Variants in EGR2 observed in about 807,000 individuals in gnomAD.
EGR2 encodes the protein early growth response 2.
In EGR2, 2 loss-of-function variants were observed where a neutral mutation model predicts 21.2. The observed-to-expected ratio is 0.09, with a 90% CI of 0.04 to 0.30. The LOEUF is 0.30. Among genes scored for constraint, EGR2 ranks in the 10% least tolerant of loss-of-function variants. The pLI is 1.00. For synonymous variants in EGR2, 282 were observed against 258.2 expected, an observed-to-expected ratio of 1.09 and a Z score of -0.88; for missense variants, 458 against 630.2, an observed-to-expected ratio of 0.73 and a Z score of 2.93.
Position 62,816,116 on chromosome 10 carries a change from G to T in EGR2, c.-87C>A. 13 of 1,611,928 alleles carry T rather than the reference G, an allele frequency of 8.1e-6. 1 individual carries two copies. The South Asian group carries it at 1.2e-4, about 15-fold the overall frequency. ...TTTGGAGAGGGGTTGGACTGAGCCT[G>T]GGATGGTATCTCCTTTTGCCCTCCA... On this transcript the variant is annotated 5_prime_UTR_variant, in exon 1 of 2. Transcript: ENST00000242480.
rs1057521260 is a variant in EGR2, at chr10:62,816,240, A to G, written c.-211T>C. The G allele has an allele frequency of 7.0e-6, 10 of 1,434,504 alleles. No individual in the cohort carries two copies. Among genetic ancestry groups the G allele is most frequent in the Non-Finnish European group, 9.1e-6 (10 of 1,094,926 alleles). The allele number at this position is 1,434,504 out of a possible 1,614,324, so 88.9% of individuals were successfully genotyped here. ...TTTTTAAGAAATAAGAAAAATGTCT[A>G]TTTGCCACTGACTCTCTCCTGTCTG... is the stretch of plus-strand genomic sequence containing the variant. On this transcript the variant is annotated 5_prime_UTR_variant, in exon 1 of 2. Coordinates refer to ENST00000242480, the MANE Select transcript of EGR2 (RefSeq NM_000399.5).
In EGR2 at chr10:62,813,480, G is replaced by C. The variant is rs767778723; in HGVS notation, c.1158C>G (p.Thr386=). ...MRNFSRSDHL[T]THIRTHTGEK... Reference sequence around the variant, plus strand: ...CACCGGTGTGGGTGCGGATATGGGTGGTGAGGTGGTCACTGCGGCTGAAGT... The same window carrying C: ...CACCGGTGTGGGTGCGGATATGGGTCGTGAGGTGGTCACTGCGGCTGAAGT... Residue 386 remains threonine (T), a synonymous_variant, in exon 2 of 2, where the codon ACC becomes ACG. Coordinates refer to ENST00000242480, the MANE Select transcript of EGR2 (RefSeq NM_000399.5). This position sits in a 1 kb window ranked among gnomAD's most constrained non-coding sequence, Gnocchi z 5.7. The C allele has an allele frequency of 6.2e-7, 1 of 1,614,178 alleles. No homozygotes were observed.
At position 62,814,726 on chromosome 10, in the gene EGR2, A is replaced by T. The variant is rs559470206; in HGVS notation, c.170-258T>A. 6.6e-6 allele frequency among the ~76,000 whole-genome samples: 1 copy of T among 152,140 alleles called. No homozygotes were observed. Among genetic ancestry groups the T allele is most frequent in the South Asian group, 2.1e-4 (1 of 4,816 alleles). The stretch of plus-strand genomic sequence containing the variant: ...AATGAGCTTTTCCCAACTCCCCTCC[A>T]CCCCCAGCCATCTGTGGCTCTAGTC... On this transcript the variant is annotated intron_variant, in intron 1 of 1. Transcript: ENST00000242480. This position sits in a 1 kb window ranked among gnomAD's most constrained non-coding sequence, Gnocchi z 4.8.
Position 62,815,239 on chromosome 10 carries a change from CG to C in EGR2, c.169+621del, listed in dbSNP as rs1249235315. Among the ~76,000 whole-genome samples the C allele has an allele frequency of 2.0e-5, 3 of 152,210 alleles. No homozygotes were observed. In the East Asian group the frequency reaches 5.8e-4, roughly 29 times the overall value. On this transcript the variant is annotated intron_variant, in intron 1 of 1. Transcript: ENST00000242480. ...CCCCCGCGGGCCTCCCTCGGCAGTC[CG>C]GGGGCTGCTTCCCGCCGTTGCGCGC...
rs1842161787 is a variant in EGR2, at chr10:62,813,352, C to T, written c.1286G>A (p.Ser429Asn). 1 of 1,601,412 alleles carries T rather than the reference C, an allele frequency of 6.2e-7. No individual in the cohort carries two copies. The highest frequency in any genetic ancestry group is 1.3e-5 in the African/African-American group (1 of 74,906). ...GGCTGGCACCGATGCAGAGGGGGCA[C>T]TGCTTTTCCGCTCTTTCTGTCTCAG... is the stretch of plus-strand genomic sequence containing the variant. ...IHLRQKERKS[S>N]APSASVPAPS... Residue 429 changes from serine to asparagine, a missense_variant, in exon 2 of 2, where the codon AGT becomes AAT. Physicochemically the swap from Ser to Asn is conservative, Grantham distance 46 (BLOSUM62 1). Coordinates refer to ENST00000242480, the MANE Select transcript of EGR2 (RefSeq NM_000399.5). The surrounding 1 kb of genome is among the most constrained non-coding windows in gnomAD (Gnocchi z 5.7).
At chr10:62,815,155 G>A (rs948431872) in intron 1 of EGR2, among the ~76,000 whole-genome samples, 2 of 152,258 alleles carry the variant, frequency 1.3e-5, no homozygotes, top group African/African-American at 4.8e-5. Context: ...CGAGGAAGGC[G>A]CGGGGGCCGC....
At position 62,813,335 on chromosome 10, in the gene EGR2, C is replaced by A; in HGVS notation, c.1303G>T (p.Val435Leu). ...CAGGAGGCTGTAGAGGGGGCTGGCACCGATGCAGAGGGGGCACTGCTTTTC... is the reference window on the plus strand; with the variant it reads ...CAGGAGGCTGTAGAGGGGGCTGGCAACGATGCAGAGGGGGCACTGCTTTTC... ...ERKSSAPSAS[V>L]PAPSTASCSG... Residue 435 changes from valine (V) to leucine (L), a missense_variant, in exon 2 of 2, where the codon GTG (valine) becomes TTG (leucine). Val to Leu is a conservative substitution (Grantham distance 32). Coordinates refer to ENST00000242480, the MANE Select transcript of EGR2 (RefSeq NM_000399.5). This position sits in a 1 kb window ranked among gnomAD's most constrained non-coding sequence, Gnocchi z 5.7. The A allele has an allele frequency of 6.3e-7, 1 of 1,590,644 alleles. No homozygotes were observed.
At position 62,816,106 on chromosome 10, in the gene EGR2, G is replaced by C. The variant is rs1171200529; in HGVS notation, c.-77C>G. On this transcript the variant is annotated 5_prime_UTR_variant, in exon 1 of 2. Transcript: ENST00000242480. ...GAAAAGCCGTTTTGGAGAGGGGTTG[G>C]ACTGAGCCTGGGATGGTATCTCCTT... The C allele has an allele frequency of 1.2e-6, 2 of 1,612,552 alleles. No individual in the cohort carries two copies. Among genetic ancestry groups the C allele is most frequent in the Non-Finnish European group, 1.7e-6 (2 of 1,179,810 alleles).
rs1327712504 is a variant in EGR2, at chr10:62,816,259, C to T, written c.-230G>A. ...ATGTCTATTTGCCACTGACTCTCTCCTGTCTGTGTTCCGGCTGCTGGGAAG... is the reference window on the plus strand; with the variant it reads ...ATGTCTATTTGCCACTGACTCTCTCTTGTCTGTGTTCCGGCTGCTGGGAAG... On this transcript the variant is annotated 5_prime_UTR_variant, in exon 1 of 2. Transcript: ENST00000242480. The T allele has an allele frequency of 4.3e-6, 6 of 1,396,470 alleles. No homozygotes were observed. 86.5% of individuals were successfully genotyped at this position (1,396,470 alleles called of 1,614,324 possible). A position where few individuals can be genotyped will look rare whatever the true frequency, so the allele number is the denominator to read the frequency against.
chr10:62,814,015 T>C lies in EGR2; in HGVS notation c.623A>G (p.Tyr208Cys). ...GTCCGTGGCTGGCTTGGGGGATGGA[T>C]AGGAAGGAGGTGGTGGGTAGGCCAG... ...SSLAYPPPPSYPSPKPATDPG... is the reference protein window; with the variant it reads ...SSLAYPPPPSCPSPKPATDPG... The change falls in exon 2 of 2, where the codon TAT becomes TGT. Residue 208 changes from tyrosine (Y) to cysteine (C), a missense_variant. By Grantham distance (194) the Tyr-to-Cys change is radical. This residue lies in a region of EGR2 where 253 missense variants were observed against 315.5 expected (regional missense o/e 0.80). Transcript: ENST00000242480. This position sits in a 1 kb window ranked among gnomAD's most constrained non-coding sequence, Gnocchi z 4.8. 1 of 1,613,564 alleles carries C rather than the reference T, an allele frequency of 6.2e-7. No homozygotes were observed. Among genetic ancestry groups the C allele is most frequent in the Non-Finnish European group, 8.5e-7 (1 of 1,179,828 alleles).
intron 1 of EGR2, among the ~76,000 whole-genome samples, chr10:62,815,628 C>A (rs992347415): frequency 1.3e-5 from 2 of 152,228 alleles, no homozygotes; most frequent in African/African-American, 4.8e-5. Context: ...CGGGGCTGGG[C>A]GCGCCGGGGC....
Position 62,814,304 on chromosome 10 carries a change from T to C in EGR2, c.334A>G (p.Ile112Val), listed in dbSNP as rs750552347. 2.5e-6 allele frequency: 4 copies of C among 1,614,152 alleles called. No homozygotes were observed. The highest frequency in any genetic ancestry group is 3.4e-6 in the Non-Finnish European group (4 of 1,180,018). The change falls in exon 2 of 2, where the codon ATA (isoleucine) becomes GTA (valine). Residue 112 changes from isoleucine (I) to valine (V), a missense_variant. By Grantham distance (29) the Ile-to-Val change is conservative. Transcript: ENST00000242480. This position sits in a 1 kb window ranked among gnomAD's most constrained non-coding sequence, Gnocchi z 4.8. The part of the protein sequence containing the change: ...YPGASCYPEG[I>V]INIVSAGILQ... ...ATGCCTGCACTCACAATATTGATTA[T>C]GCCTTCTGGGTAGCAGCTGGCACCA...
intron 1 of EGR2, 121 bp downstream of exon 1, chr10:62,815,740 G>A: frequency 2.3e-6 from 3 of 1,288,576 alleles, no homozygotes; most frequent in Middle Eastern, 2.6e-4. Flanking sequence ...TTCAAAGCCA[G>A]TGCAGTCAGC....
chr10:62,813,688 A>G lies in EGR2; in HGVS notation c.950T>C (p.Leu317Pro). 6.2e-7 allele frequency: 1 copy of G among 1,613,466 alleles called. No homozygotes were observed. Among genetic ancestry groups the G allele is most frequent in the Non-Finnish European group, 8.5e-7 (1 of 1,180,008 alleles). The change falls in exon 2 of 2, where the codon CTG (leucine) becomes CCG (proline). Residue 317 changes from leucine to proline, a missense_variant. This residue lies in a region of EGR2 where 253 missense variants were observed against 315.5 expected (regional missense o/e 0.80). Transcript: ENST00000242480. The surrounding 1 kb of genome is among the most constrained non-coding windows in gnomAD (Gnocchi z 5.7). ...AAAYNPHHLP[L>P]RPILRPRKYP... ...CTTGCGAGGCCTCAGAATGGGCCGC[A>G]GTGGCAGGTGGTGTGGGTTATAGGC...
chr10:62,816,341 A>AT lies in EGR2; in HGVS notation c.-313dup. ...AGTCAGTGAGTCCCCTCGCCGAGCT[A>AT]TTAATCAATTGCTCCTCGCTCAGTT... is the stretch of plus-strand genomic sequence containing the variant. On this transcript the variant is annotated 5_prime_UTR_variant, in exon 1 of 2. Coordinates refer to ENST00000242480, the MANE Select transcript of EGR2 (RefSeq NM_000399.5). 1 of 1,255,300 alleles carries AT rather than the reference A, an allele frequency of 8.0e-7. No homozygotes were observed. The highest frequency in any genetic ancestry group is 1.0e-6 in the Non-Finnish European group (1 of 987,006). 77.8% of individuals were successfully genotyped at this position (1,255,300 alleles called of 1,614,324 possible). A position where few individuals can be genotyped will look rare whatever the true frequency, so the allele number is the denominator to read the frequency against.
chr10:62,817,200 TG>T (rs1838270222), upstream of EGR2, among the ~76,000 whole-genome samples: 1 of 152,100 alleles, frequency 6.6e-6, no homozygotes, highest in African/African-American at 2.4e-5. The surrounding 1 kb of genome is among the most constrained non-coding windows in gnomAD (Gnocchi z 4.4). Flanking sequence ...CTTCAGCTGC[TG>T]CGCGGAGCGG....
Position 62,812,714 on chromosome 10 carries a change from C to A in EGR2, c.*493G>T, listed in dbSNP as rs976213120. 6.5e-6 allele frequency: 1 copy of A among 154,934 alleles called. No individual in the cohort carries two copies. The highest frequency in any genetic ancestry group is 1.9e-4 in the East Asian group (1 of 5,354). The allele number at this position is 154,934 out of a possible 1,614,324, so 9.6% of individuals were successfully genotyped here. ...TAAAGGCTATACTTCACTCACTGTACAATGTCCCCCAAATCAGTCCCAAGC... is the reference window on the plus strand; with the variant it reads ...TAAAGGCTATACTTCACTCACTGTAAAATGTCCCCCAAATCAGTCCCAAGC... On this transcript the variant is annotated 3_prime_UTR_variant, in exon 2 of 2. Coordinates refer to ENST00000242480, the MANE Select transcript of EGR2 (RefSeq NM_000399.5).
chr10:62,814,234 C>A lies in EGR2; in HGVS notation c.404G>T (p.Ser135Ile). Reference protein sequence around the residue: ...TSPASTTASSSVTSASPNPLA... With the variant: ...TSPASTTASSIVTSASPNPLA... Reference sequence around the variant, plus strand: ...TGGGTTGGGGGAGGCAGAGGTGACGCTGGATGAGGCTGTGGTTGAAGCTGG... The same window carrying A: ...TGGGTTGGGGGAGGCAGAGGTGACGATGGATGAGGCTGTGGTTGAAGCTGG... The change falls in exon 2 of 2, where the codon AGC (serine) becomes ATC (isoleucine). Residue 135 changes from serine to isoleucine, a missense_variant. Ser to Ile is a moderately radical substitution (Grantham distance 142). This residue lies in a region of EGR2 where 253 missense variants were observed against 315.5 expected (regional missense o/e 0.80). Coordinates refer to ENST00000242480, the MANE Select transcript of EGR2 (RefSeq NM_000399.5). This position sits in a 1 kb window ranked among gnomAD's most constrained non-coding sequence, Gnocchi z 4.8. The A allele has an allele frequency of 6.2e-7, 1 of 1,614,092 alleles. No homozygotes were observed. Among genetic ancestry groups the A allele is most frequent in the East Asian group, 2.2e-5 (1 of 44,882 alleles).
In EGR2 at chr10:62,814,702, A is replaced by G. The variant is rs1191240448; in HGVS notation, c.170-234T>C. 2.6e-5 allele frequency among the ~76,000 whole-genome samples: 4 copies of G among 152,130 alleles called. No homozygotes were observed. Among genetic ancestry groups the G allele is most frequent in the Admixed American group, 1.3e-4 (2 of 15,284 alleles). On this transcript the variant is annotated intron_variant, in intron 1 of 1. Transcript: ENST00000242480. The surrounding 1 kb of genome is among the most constrained non-coding windows in gnomAD (Gnocchi z 4.8). ...CAAGAACTACCTCCAAAAAAGCAGA[A>G]TGAGCTTTTCCCAACTCCCCTCCAC...
Sources: allele counts gnomAD v4.1 joint callset (sites outside exome capture counted in the v4.1 genomes callset), GRCh38; gene constraint gnomAD v4.1.1; regional missense constraint gnomAD v4.1.1; non-coding constraint Gnocchi (gnomAD v3.1); transcripts MANE v1.5; gene names NCBI Gene and HGNC (gene_info 2026-07-23, HGNC 2026-07-21).